Variants in CSF2RA observed in about 807,000 individuals in gnomAD.
CSF2RA encodes colony stimulating factor 2 receptor subunit alpha.
A neutral mutation model predicts 51.6 loss-of-function variants in CSF2RA; 42 were observed. That is an observed-to-expected ratio of 0.81 (90% CI 0.64 to 1.05). CSF2RA has a LOEUF of 1.05. Ranked by LOEUF, CSF2RA falls within the 50% of genes least tolerant of loss-of-function variation. CSF2RA has a pLI of 0.00. For synonymous variants in CSF2RA, 222 were observed against 193.0 expected, an observed-to-expected ratio of 1.15 and a Z score of -1.24; for missense variants, 530 against 501.1, an observed-to-expected ratio of 1.06 and a Z score of -0.55.
At chrX:1,286,270 CT>C (rs1179981215) in intron 4 of CSF2RA, among the ~76,000 whole-genome samples, 2 of 144,662 alleles carry the variant, frequency 1.4e-5, no homozygotes, top group Non-Finnish European at 3.0e-5. Flanking sequence ...GAGACTCTGT[CT>C]CATAAAATGC....
At chrX:1,279,538 T>C (rs1299210545) in intron 2 of CSF2RA, among the ~76,000 whole-genome samples, 1 of 151,492 alleles carries the variant, frequency 6.6e-6, no homozygotes, top group African/African-American at 2.4e-5. Flanking sequence ...CATGCATCTC[T>C]AGGGTGCCAC....
intron 1 of CSF2RA, among the ~76,000 whole-genome samples, chrX:1,272,049 G>A (rs1255391722): frequency 2.6e-5 from 4 of 151,266 alleles, no homozygotes; most frequent in Admixed American, 2.6e-4. Context: ...CACCTTCCAG[G>A]TTCAACTGAT....
downstream of CSF2RA, among the ~76,000 whole-genome samples, chrX:1,312,648 C>G (rs1442840443): frequency 1.3e-5 from 2 of 152,110 alleles, no homozygotes; most frequent in Non-Finnish European, 2.9e-5. Context: ...GAAACATCAA[C>G]TGAGATGGTG....
intron 2 of CSF2RA, among the ~76,000 whole-genome samples, chrX:1,280,471 CAAAA>C (rs750353851): frequency 3.9e-5 from 5 of 129,418 alleles, no homozygotes; most frequent in Admixed American, 1.7e-4. Context: ...AACTCCGTCT[CAAAA>C]AAAAAAAAAA....
At chrX:1,281,224 T>TCCG (rs2090009404) in intron 2 of CSF2RA, among the ~76,000 whole-genome samples, 1 of 130,660 alleles carries the variant, frequency 7.7e-6, no homozygotes. Context: ...CTCCTACTCC[T>TCCG]CCTTCTCCTA....
At chrX:1,295,318 G>C (rs1603430493) in intron 8 of CSF2RA, 109 bp from the exon 9 acceptor site, 1 of 1,396,994 alleles carries the variant, frequency 7.2e-7, no homozygotes, top group Non-Finnish European at 1.0e-6. Context: ...ACTCCGCAGG[G>C]ACTCCTTCCC....
At chrX:1,282,885 G>T in intron 3 of CSF2RA, 106 bp downstream of exon 3, 1 of 984,570 alleles carries the variant, frequency 1.0e-6, no homozygotes, top group Non-Finnish European at 1.6e-6. Context: ...CATCTCTAAT[G>T]TTTATGAGGG....
Position 1,285,697 on chromosome X carries a change from G to A in CSF2RA, c.77-81G>A, listed in dbSNP as rs777832087. 8.4e-5 allele frequency: 108 copies of A among 1,280,474 alleles called. 1 individual carries two copies. The highest frequency in any genetic ancestry group is 8.2e-4 in the African/African-American group (35 of 42,636). 79.3% of individuals were successfully genotyped at this position (1,280,474 alleles called of 1,614,324 possible). A position where few individuals can be genotyped will look rare whatever the true frequency, so the allele number is the denominator to read the frequency against. On this transcript the variant is annotated intron_variant, in intron 3 of 12. Transcript: ENST00000381529. ...AGCCTGGGAGACAAAGCCAGACTCC[G>A]TCTCAAAAAAAAAAAAAAAAAAAAA...
intron 9 of CSF2RA, 61 bp downstream of exon 9, chrX:1,295,517 C>G: frequency 6.7e-7 from 1 of 1,485,880 alleles, no homozygotes; most frequent in Non-Finnish European, 9.3e-7. Context: ...CCCCTACTCA[C>G]CACACCTAGT....
Position 1,309,864 on chromosome X carries a change from C to G in CSF2RA, c.*385C>G, listed in dbSNP as rs28609812. 0.42 allele frequency: 248,324 copies of G among 590,578 alleles called. 65,434 individuals carry two copies. The highest frequency in any genetic ancestry group is 0.82 in the African/African-American group (44,236 of 53,818). The allele number at this position is 590,578 out of a possible 1,614,324, so 36.6% of individuals were successfully genotyped here. A position where few individuals can be genotyped will look rare whatever the true frequency, so the allele number is the denominator to read the frequency against. ...GATCGCACCATTGCACACCAACCTG[C>G]GTGACAGAGCAAGATTGCATCTCAA... On this transcript the variant is annotated 3_prime_UTR_variant, in exon 13 of 13. Coordinates refer to ENST00000381529, the MANE Select transcript of CSF2RA (RefSeq NM_172245.4).
chrX:1,309,296 T>C, intron 12 of CSF2RA, 106 bp from the exon 13 acceptor site: 8 of 1,199,504 alleles, frequency 6.7e-6, no homozygotes, highest in East Asian at 2.4e-5. Flanking sequence ...GCCTGGGCAA[T>C]AGAATGAGAC....
intron 1 of CSF2RA, among the ~76,000 whole-genome samples, chrX:1,274,346 T>C (rs2088854542): frequency 6.6e-6 from 1 of 151,540 alleles, no homozygotes; most frequent in African/African-American, 2.4e-5. Context: ...GGGGATCCAG[T>C]CTTGTTCTGT....
At chrX:1,314,790 AATCCC>A (rs2084450045), downstream of CSF2RA, among the ~76,000 whole-genome samples, 1 of 70,760 alleles carries the variant, frequency 1.4e-5, no homozygotes, top group South Asian at 5.4e-4. Context: ...GCACCTGCCC[AATCCC>A]ACTGCACCTG....
downstream of CSF2RA, among the ~76,000 whole-genome samples, chrX:1,314,311 G>C (rs1385384025): frequency 1.3e-4 from 15 of 117,286 alleles, 2 homozygotes; most frequent in East Asian, 2.0e-3. Flanking sequence ...CTCTGTGCCT[G>C]CCCAACCACA....
chrX:1,317,228 G>A, the CSF2RA span, among the ~76,000 whole-genome samples: 18 of 136,720 alleles, frequency 1.3e-4, no homozygotes, highest in Non-Finnish European at 2.5e-4. Context: ...GATGACAGGC[G>A]TGAGCCACCA....
At chrX:1,299,317 C>A (rs1298062387) in intron 9 of CSF2RA, among the ~76,000 whole-genome samples, 1 of 152,188 alleles carries the variant, frequency 6.6e-6, no homozygotes, top group Non-Finnish European at 1.5e-5. Flanking sequence ...CCCTCGGTAT[C>A]CTCCTCTGTC....
the CSF2RA span, among the ~76,000 whole-genome samples, chrX:1,323,929 G>C: frequency 3.3e-5 from 5 of 151,866 alleles, no homozygotes; most frequent in Non-Finnish European, 7.4e-5. Flanking sequence ...CAGGAGAATG[G>C]CGTGAACCCG....
chrX:1,281,534 TCTCCTC>T (rs1431047246), intron 2 of CSF2RA, among the ~76,000 whole-genome samples: 1 of 148,066 alleles, frequency 6.8e-6, no homozygotes. Flanking sequence ...TCCTCCTCCT[TCTCCTC>T]CTCCTGCACC....
chrX:1,303,800 G>T, intron 10 of CSF2RA, 123 bp from the exon 11 acceptor site: 1 of 888,318 alleles, frequency 1.1e-6, no homozygotes, highest in Non-Finnish European at 1.9e-6. Flanking sequence ...AGGTTTGCTG[G>T]GCCCAGTTCT....
Sources: allele counts gnomAD v4.1 joint callset (sites outside exome capture counted in the v4.1 genomes callset), GRCh38; gene constraint gnomAD v4.1.1; transcripts MANE v1.5; gene names NCBI Gene and HGNC (gene_info 2026-07-23, HGNC 2026-07-21).